The following NDN variants were observed in gnomAD, a reference collection of about 807,000 sequenced individuals.
NDN encodes necdin, MAGE family member, also known as necdin.
For missense variants in NDN, 465 were observed against 440.4 expected, an observed-to-expected ratio of 1.06 and a Z score of -0.50; for synonymous variants, 245 against 189.4, an observed-to-expected ratio of 1.29 and a Z score of -2.41.
At position 23,686,197 on chromosome 15, in the gene NDN, A is replaced by C. The variant is rs1595345305; in HGVS notation, c.*55T>G. 1.3e-6 allele frequency: 2 copies of C among 1,493,376 alleles called. No individual in the cohort carries two copies. 92.5% of individuals were successfully genotyped at this position (1,493,376 alleles called of 1,614,324 possible). A position where few individuals can be genotyped will look rare whatever the true frequency, so the allele number is the denominator to read the frequency against. On this transcript the variant is annotated 3_prime_UTR_variant, in exon 1 of 1. Coordinates refer to ENST00000649030, the MANE Select transcript of NDN (RefSeq NM_002487.3). Reference sequence around the variant, plus strand: ...CTGAATACTATAATGACCCACCCCCACCCTTCCACAGCCCTGGTGAGGGTC... The same window carrying C: ...CTGAATACTATAATGACCCACCCCCCCCCTTCCACAGCCCTGGTGAGGGTC...
In NDN at chr15:23,686,768, C is replaced by T. The variant is rs1891153073; in HGVS notation, c.450G>A (p.Val150=). 1.9e-6 allele frequency: 3 copies of T among 1,614,072 alleles called. No individual in the cohort carries two copies. The highest frequency in any genetic ancestry group is 2.5e-6 in the Non-Finnish European group (3 of 1,180,016). The change falls in exon 1 of 1, where the codon GTG becomes GTA. Residue 150 remains valine (V), a synonymous_variant. Coordinates refer to ENST00000649030, the MANE Select transcript of NDN (RefSeq NM_002487.3). The part of the protein sequence containing the change: ...LRRTSLILAR[V]FGLHLRLTSL... ...TGGTTAGCCTCAGGTGCAGCCCGAA[C>T]ACCCGGGCGAGGATGAGGCTGGTGC...
chr15:23,686,090 A>G lies in NDN; in HGVS notation c.*162T>C, dbSNP rs1207524949. The G allele has an allele frequency of 3.7e-6, 3 of 800,816 alleles. No individual in the cohort carries two copies. Among genetic ancestry groups the G allele is most frequent in the Non-Finnish European group, 5.4e-6 (3 of 558,912 alleles). The allele number at this position is 800,816 out of a possible 1,614,324, so 49.6% of individuals were successfully genotyped here. A position where few individuals can be genotyped will look rare whatever the true frequency, so the allele number is the denominator to read the frequency against. ...CCTAAATACTACACAATAGTACCCA[A>G]ATGAATACAACATTGCATTAAAGGT... On this transcript the variant is annotated 3_prime_UTR_variant, in exon 1 of 1. Transcript: ENST00000649030.
Position 23,686,980 on chromosome 15 carries a change from G to GCT in NDN, c.237_238insAG (p.His80SerfsTer39), listed in dbSNP as rs1566793629. 6.7e-7 allele frequency: 1 copy of GCT among 1,497,904 alleles called. No homozygotes were observed. Among genetic ancestry groups the GCT allele is most frequent in the African/African-American group, 1.4e-5 (1 of 70,602 alleles). 92.8% of individuals were successfully genotyped at this position (1,497,904 alleles called of 1,614,324 possible). ...GGCTGGGCCGCGCTCGGGGCCTGGT[G>GCT]GGCGCGGCCCTCCTCCGCAGCCTGC... is the stretch of plus-strand genomic sequence containing the variant. On this transcript the variant is annotated frameshift_variant, in exon 1 of 1. Coordinates refer to ENST00000649030, the MANE Select transcript of NDN (RefSeq NM_002487.3). LOFTEE classifies it low-confidence loss of function (END_TRUNC).
At position 23,686,048 on chromosome 15, in the gene NDN, A is replaced by T. The variant is rs1433436456; in HGVS notation, c.*204T>A. Reference sequence around the variant, plus strand: ...AAAGCACCAACCAAGCTTACATATAAACAAACATGCATACATCCTAAATAC... The same window carrying T: ...AAAGCACCAACCAAGCTTACATATATACAAACATGCATACATCCTAAATAC... On this transcript the variant is annotated 3_prime_UTR_variant, in exon 1 of 1. Coordinates refer to ENST00000649030, the MANE Select transcript of NDN (RefSeq NM_002487.3). The T allele has an allele frequency of 1.9e-6, 1 of 526,284 alleles. No individual in the cohort carries two copies. The highest frequency in any genetic ancestry group is 2.9e-6 in the Non-Finnish European group (1 of 342,194). The allele number at this position is 526,284 out of a possible 1,614,324, so 32.6% of individuals were successfully genotyped here. A position where few individuals can be genotyped will look rare whatever the true frequency, so the allele number is the denominator to read the frequency against.
Position 23,686,412 on chromosome 15 carries a change from T to G in NDN, c.806A>C (p.Glu269Ala). The change falls in exon 1 of 1, where the codon GAA becomes GCA. Residue 269 changes from glutamate to alanine, a missense_variant. Transcript: ENST00000649030. ...CTCCATGATTTGCATCTTGGTGATTTCGCGGCTGGCCCGGGAGCCCCAAAA... is the reference window on the plus strand; with the variant it reads ...CTCCATGATTTGCATCTTGGTGATTGCGCGGCTGGCCCGGGAGCCCCAAAA... ...EFFWGSRASR[E>A]ITKMQIMEFL... 2 of 1,608,352 alleles carry G rather than the reference T, an allele frequency of 1.2e-6. No homozygotes were observed. Among genetic ancestry groups the G allele is most frequent in the Non-Finnish European group, 1.7e-6 (2 of 1,176,422 alleles).
rs2140757987 is a variant in NDN, at chr15:23,686,878, G to C, written c.340C>G (p.Gln114Glu). ...ELMWYVLVKDQKKMIIWFPDM... is the reference protein window; with the variant it reads ...ELMWYVLVKDEKKMIIWFPDM... The stretch of plus-strand genomic sequence containing the variant: ...GGAAACCAGATGATCATCTTCTTCT[G>C]GTCCTTGACCAGCACGTACCACATG... Residue 114 changes from glutamine (Q) to glutamate (E), a missense_variant, in exon 1 of 1, where the codon CAG becomes GAG. By Grantham distance (29) the Gln-to-Glu change is conservative. Transcript: ENST00000649030. 2 of 1,614,066 alleles carry C rather than the reference G, an allele frequency of 1.2e-6. No individual in the cohort carries two copies. The highest frequency in any genetic ancestry group is 2.7e-5 in the African/African-American group (2 of 75,050).
chr15:23,686,302 C>T lies in NDN; in HGVS notation c.916G>A (p.Glu306Lys). The T allele has an allele frequency of 6.6e-7, 1 of 1,519,792 alleles. No homozygotes were observed. The highest frequency in any genetic ancestry group is 8.8e-7 in the Non-Finnish European group (1 of 1,135,704). 94.1% of individuals were successfully genotyped at this position (1,519,792 alleles called of 1,614,324 possible). ...GGGTAGTGGGCAGTGGGATTAGCCT[C>T]CCGCAGAGCTCTGGCCTCCTCCAGA... is the stretch of plus-strand genomic sequence containing the variant. Reference protein sequence around the residue: ...EALEEARALREANPTAHYPRS... With the variant: ...EALEEARALRKANPTAHYPRS... The change falls in exon 1 of 1, where the codon GAG becomes AAG. Residue 306 changes from glutamate to lysine, a missense_variant. By Grantham distance (56) the Glu-to-Lys change is moderately conservative. Coordinates refer to ENST00000649030, the MANE Select transcript of NDN (RefSeq NM_002487.3).
At position 23,686,978 on chromosome 15, in the gene NDN, G is replaced by A; in HGVS notation, c.240C>T (p.His80=). Residue 80 remains histidine, a synonymous_variant, in exon 1 of 1, where the codon CAC becomes CAT. Transcript: ENST00000649030. ...CCGGCTGGGCCGCGCTCGGGGCCTG[G>A]TGGGCGCGGCCCTCCTCCGCAGCCT... The part of the protein sequence containing the change: ...LQQAAEEGRA[H]QAPSAAQPGP... The A allele has an allele frequency of 6.7e-7, 1 of 1,502,730 alleles. No homozygotes were observed. Among genetic ancestry groups the A allele is most frequent in the Non-Finnish European group, 8.8e-7 (1 of 1,131,682 alleles). 93.1% of individuals were successfully genotyped at this position (1,502,730 alleles called of 1,614,324 possible). A position where few individuals can be genotyped will look rare whatever the true frequency, so the allele number is the denominator to read the frequency against.
In NDN at chr15:23,687,177, G is replaced by A. The variant is rs747787063; in HGVS notation, c.41C>T (p.Ala14Val). The A allele has an allele frequency of 1.3e-6, 2 of 1,532,064 alleles. No homozygotes were observed. Among genetic ancestry groups the A allele is most frequent in the Non-Finnish European group, 1.7e-6 (2 of 1,143,872 alleles). The allele number at this position is 1,532,064 out of a possible 1,614,324, so 94.9% of individuals were successfully genotyped here. A position where few individuals can be genotyped will look rare whatever the true frequency, so the allele number is the denominator to read the frequency against. ...CACCTCGGAGTTGGGGGCCTCGGCT[G>A]CAAAGTTAGGGTCGCTCAGATCCTT... ...QSKDLSDPNF[A>V]AEAPNSEVHS... Residue 14 changes from alanine to valine, a missense_variant, in exon 1 of 1, where the codon GCA becomes GTA. Ala to Val is a moderately conservative substitution (Grantham distance 64). Coordinates refer to ENST00000649030, the MANE Select transcript of NDN (RefSeq NM_002487.3).
In NDN at chr15:23,686,509, C is replaced by T; in HGVS notation, c.709G>A (p.Glu237Lys). ...TFGDVRKLIT[E>K]EFVQMNYLKY... ...AGGTAATTCATTTGGACGAACTCCTCAGTGATGAGCTTCCGCACGTCCCCG... is the reference window on the plus strand; with the variant it reads ...AGGTAATTCATTTGGACGAACTCCTTAGTGATGAGCTTCCGCACGTCCCCG... Residue 237 changes from glutamate to lysine, a missense_variant, in exon 1 of 1, where the codon GAG (glutamate) becomes AAG (lysine). Coordinates refer to ENST00000649030, the MANE Select transcript of NDN (RefSeq NM_002487.3). The T allele has an allele frequency of 1.9e-6, 3 of 1,613,614 alleles. No homozygotes were observed. The highest frequency in any genetic ancestry group is 2.5e-6 in the Non-Finnish European group (3 of 1,180,026).
chr15:23,686,103 T>C lies in NDN; in HGVS notation c.*149A>G. ...CAATAGTACCCAAATGAATACAACATTGCATTAAAGGTATAAAAGCACTGT... is the reference window on the plus strand; with the variant it reads ...CAATAGTACCCAAATGAATACAACACTGCATTAAAGGTATAAAAGCACTGT... On this transcript the variant is annotated 3_prime_UTR_variant, in exon 1 of 1. Transcript: ENST00000649030. 1.1e-6 allele frequency: 1 copy of C among 875,242 alleles called. No individual in the cohort carries two copies. Among genetic ancestry groups the C allele is most frequent in the Non-Finnish European group, 1.6e-6 (1 of 614,236 alleles). 54.2% of individuals were successfully genotyped at this position (875,242 alleles called of 1,614,324 possible).
In NDN at chr15:23,686,259, T is replaced by G. The variant is rs768602677; in HGVS notation, c.959A>C (p.Glu320Ala). The change falls in exon 1 of 1, where the codon GAG becomes GCG. Residue 320 changes from glutamate to alanine, a missense_variant. Transcript: ENST00000649030. ...TAHYPRSSVSED is the reference protein window; with the variant it reads ...TAHYPRSSVSAD Reference sequence around the variant, plus strand: ...ATCTGCCTCCAGACTTTGCTAGTCCTCAGAGACACTGCTGCGAGGGTAGTG... The same window carrying G: ...ATCTGCCTCCAGACTTTGCTAGTCCGCAGAGACACTGCTGCGAGGGTAGTG... 6.6e-7 allele frequency: 1 copy of G among 1,509,556 alleles called. No homozygotes were observed. Among genetic ancestry groups the G allele is most frequent in the Non-Finnish European group, 8.8e-7 (1 of 1,130,658 alleles). The allele number at this position is 1,509,556 out of a possible 1,614,324, so 93.5% of individuals were successfully genotyped here.
Position 23,686,549 on chromosome 15 carries a change from C to T in NDN, c.669G>A (p.Lys223=). 6.2e-7 allele frequency: 1 copy of T among 1,613,462 alleles called. No individual in the cohort carries two copies. Among genetic ancestry groups the T allele is most frequent in the Non-Finnish European group, 8.5e-7 (1 of 1,180,016 alleles). ...GCACGTCCCCGAAGGTGGAGTGCTT[C>T]TTCCAGGGCCGCAGCCCCAGGATGC... ...VLRILGLRPW[K]KHSTFGDVRK... is the part of the protein sequence containing the mutation. The change falls in exon 1 of 1, where the codon AAG becomes AAA. Residue 223 remains lysine, a synonymous_variant. Coordinates refer to ENST00000649030, the MANE Select transcript of NDN (RefSeq NM_002487.3).
In NDN at chr15:23,687,213, G is replaced by A. The variant is rs1595346154; in HGVS notation, c.5C>T (p.Ser2Leu). 2 of 1,476,022 alleles carry A rather than the reference G, an allele frequency of 1.4e-6. No homozygotes were observed. The highest frequency in any genetic ancestry group is 5.3e-5 in the East Asian group (2 of 37,754). The allele number at this position is 1,476,022 out of a possible 1,614,324, so 91.4% of individuals were successfully genotyped here. Residue 2 changes from serine (S) to leucine (L), a missense_variant, in exon 1 of 1, where the codon TCA (serine) becomes TTA (leucine). Transcript: ENST00000649030. ...GTCGCTCAGATCCTTACTTTGTTCT[G>A]ACATGTCTGCGCCGTCTGGCAAGGG... Reference protein sequence around the residue: MSEQSKDLSDPN... With the variant: MLEQSKDLSDPN...
Position 23,687,175 on chromosome 15 carries a change from C to A in NDN, c.43G>T (p.Ala15Ser). 1.3e-6 allele frequency: 2 copies of A among 1,535,210 alleles called. No individual in the cohort carries two copies. The highest frequency in any genetic ancestry group is 1.2e-5 in the South Asian group (1 of 81,172). Residue 15 changes from alanine to serine, a missense_variant, in exon 1 of 1, where the codon GCC becomes TCC. Transcript: ENST00000649030. ...TGCACCTCGGAGTTGGGGGCCTCGG[C>A]TGCAAAGTTAGGGTCGCTCAGATCC... is the stretch of plus-strand genomic sequence containing the variant. ...SKDLSDPNFA[A>S]EAPNSEVHSS...
chr15:23,687,067 C>G lies in NDN; in HGVS notation c.151G>C (p.Ala51Pro). ...TGGGGAGGCGGCGCGGCCTGCGGAG[C>G]GGCCGTCGGGCCTAGAGGAGGGCTC... Reference protein sequence around the residue: ...PQSPPLGPTAAPQAAPPPQAP... With the variant: ...PQSPPLGPTAPPQAAPPPQAP... The change falls in exon 1 of 1, where the codon GCT (alanine) becomes CCT (proline). Residue 51 changes from alanine (A) to proline (P), a missense_variant. Ala to Pro is a conservative substitution (Grantham distance 27, BLOSUM62 -1). Coordinates refer to ENST00000649030, the MANE Select transcript of NDN (RefSeq NM_002487.3). The G allele has an allele frequency of 1.9e-6, 3 of 1,547,712 alleles. No individual in the cohort carries two copies. The highest frequency in any genetic ancestry group is 2.8e-5 in the African/African-American group (2 of 70,798).
In NDN at chr15:23,687,257, G is replaced by C. The variant is rs778711041; in HGVS notation, c.-40C>G. The C allele has an allele frequency of 7.3e-7, 1 of 1,373,624 alleles. No homozygotes were observed. The highest frequency in any genetic ancestry group is 9.5e-7 in the Non-Finnish European group (1 of 1,057,332). 85.1% of individuals were successfully genotyped at this position (1,373,624 alleles called of 1,614,324 possible). ...GCAAGGGCAGGGCCTCTGCGTCCAG[G>C]AGCTCTTCGAGCCTGCGCTCCCTCC... On this transcript the variant is annotated 5_prime_UTR_variant, in exon 1 of 1. Transcript: ENST00000649030.
rs750599664 is a variant in NDN at position 23,687,244 on chromosome 15, C to T, written c.-27G>A. 2 of 1,401,170 alleles carry T rather than the reference C, an allele frequency of 1.4e-6. No homozygotes were observed. The highest frequency in any genetic ancestry group is 1.9e-6 in the Non-Finnish European group (2 of 1,073,346). 86.8% of individuals were successfully genotyped at this position (1,401,170 alleles called of 1,614,324 possible). A position where few individuals can be genotyped will look rare whatever the true frequency, so the allele number is the denominator to read the frequency against. On this transcript the variant is annotated 5_prime_UTR_variant, in exon 1 of 1. Coordinates refer to ENST00000649030, the MANE Select transcript of NDN (RefSeq NM_002487.3). ...TCTGCGCCGTCTGGCAAGGGCAGGGCCTCTGCGTCCAGGAGCTCTTCGAGC... is the reference window on the plus strand; with the variant it reads ...TCTGCGCCGTCTGGCAAGGGCAGGGTCTCTGCGTCCAGGAGCTCTTCGAGC...
Position 23,686,198 on chromosome 15 carries a change from C to A in NDN, c.*54G>T. On this transcript the variant is annotated 3_prime_UTR_variant, in exon 1 of 1. Transcript: ENST00000649030. ...TGAATACTATAATGACCCACCCCCA[C>A]CCTTCCACAGCCCTGGTGAGGGTCA... is the stretch of plus-strand genomic sequence containing the variant. 1.3e-6 allele frequency: 2 copies of A among 1,496,244 alleles called. No individual in the cohort carries two copies. Among genetic ancestry groups the A allele is most frequent in the Non-Finnish European group, 8.9e-7 (1 of 1,125,594 alleles). 92.7% of individuals were successfully genotyped at this position (1,496,244 alleles called of 1,614,324 possible). A position where few individuals can be genotyped will look rare whatever the true frequency, so the allele number is the denominator to read the frequency against.
Sources: allele counts gnomAD v4.1 joint callset, GRCh38; gene constraint gnomAD v4.1.1; transcripts MANE v1.5; gene names NCBI Gene and HGNC (gene_info 2026-07-23, HGNC 2026-07-21).